CLCN1: variants seen among roughly 807,000 people sequenced by gnomAD.
CLCN1 encodes the protein chloride channel protein 1.
A neutral mutation model predicts 114.5 loss-of-function variants in CLCN1; 100 were observed. The observed-to-expected ratio is 0.87, with a 90% CI of 0.74 to 1.03. CLCN1 has a LOEUF of 1.03. Ranked by LOEUF, CLCN1 falls within the 50% of genes least tolerant of loss-of-function variation. The pLI is 0.00. For synonymous variants in CLCN1, 485 were observed against 487.1 expected (o/e 1.00, Z 0.06); for missense variants, 1,188 against 1,250.0 (o/e 0.95, Z 0.75).
Position 143,345,651 on chromosome 7 carries a change from C to T in CLCN1, c.2061C>T (p.Asp687=), listed in dbSNP as rs201675628. Reference sequence around the variant, plus strand: ...GGAAGTTGTCGGAGCTGCCTTACGACGGGAAGGCGCGGCTGGCTGGGGAGG... The same window carrying T: ...GGAAGTTGTCGGAGCTGCCTTACGATGGGAAGGCGCGGCTGGCTGGGGAGG... The part of the protein sequence containing the change: ...MARKLSELPY[D]GKARLAGEGL... Residue 687 remains aspartate (D), a synonymous_variant, in exon 17 of 23, where the codon GAC becomes GAT. Transcript: ENST00000343257. 9 of 1,565,430 alleles carry T rather than the reference C, an allele frequency of 5.7e-6. No homozygotes were observed. In the East Asian group the frequency reaches 1.2e-4, roughly 21 times the overall value.
At chr7:143,322,579 G>A (rs1222407770) in intron 5 of CLCN1, among the ~76,000 whole-genome samples, 16 of 152,244 alleles carry the variant, frequency 1.1e-4, no homozygotes, top group African/African-American at 3.9e-4. Context: ...CTGGAGTGCA[G>A]TGGTGCGATC....
chr7:143,321,168 G>A lies in CLCN1; in HGVS notation c.434-197G>A, dbSNP rs530685670. Among the ~76,000 whole-genome samples the A allele has an allele frequency of 7.9e-5, 12 of 152,292 alleles. No individual in the cohort carries two copies. Among genetic ancestry groups the A allele is most frequent in the Non-Finnish European group, 1.5e-4 (10 of 68,018 alleles). Reference sequence around the variant, plus strand: ...CAGACCCTGTACTCCAGTGGGATTCGTGACACAGCCACCAACTGGAACAGG... The same window carrying A: ...CAGACCCTGTACTCCAGTGGGATTCATGACACAGCCACCAACTGGAACAGG... On this transcript the variant is annotated intron_variant, in intron 3 of 22. Coordinates refer to ENST00000343257, the MANE Select transcript of CLCN1 (RefSeq NM_000083.3). The surrounding 1 kb of genome is among the most constrained non-coding windows in gnomAD (Gnocchi z 4.2).
At position 143,324,043 on chromosome 7, in the gene CLCN1, A is replaced by C. The variant is rs183542762; in HGVS notation, c.775-371A>C. 1.0e-3 allele frequency: 410 copies of C among 392,164 alleles called. 2 individuals are homozygous for C. Among genetic ancestry groups the C allele is most frequent in the African/African-American group, 8.2e-3 (392 of 48,094 alleles). The allele number at this position is 392,164 out of a possible 1,614,324, so 24.3% of individuals were successfully genotyped here. The stretch of plus-strand genomic sequence containing the variant: ...GTCCAGATACCTATATTTTTTCAGC[A>C]AAGGGCTGTGTATTATTTTGAGACT... On this transcript the variant is annotated intron_variant, in intron 6 of 22. Transcript: ENST00000343257. This position sits in a 1 kb window ranked among gnomAD's most constrained non-coding sequence, Gnocchi z 4.6.
chr7:143,316,923 G>A (rs796603515), intron 1 of CLCN1, among the ~76,000 whole-genome samples: 15 of 152,336 alleles, frequency 9.8e-5, no homozygotes, highest in African/African-American at 3.6e-4. Context: ...GAGCAGAGAT[G>A]TACAAGCTTT....
At position 143,350,521 on chromosome 7, in the gene CLCN1, A is replaced by T; in HGVS notation, c.2508+45A>T. ...CTCAGGGCTGTGGGGAAGGCAGGAGAGCTGTGGGGCAAGGAACATGCACTG... is the reference window on the plus strand; with the variant it reads ...CTCAGGGCTGTGGGGAAGGCAGGAGTGCTGTGGGGCAAGGAACATGCACTG... On this transcript the variant is annotated intron_variant, in intron 21 of 22. Transcript: ENST00000343257. This position sits in a 1 kb window ranked among gnomAD's most constrained non-coding sequence, Gnocchi z 5.1. The T allele has an allele frequency of 6.2e-7, 1 of 1,609,744 alleles. No individual in the cohort carries two copies. Among genetic ancestry groups the T allele is most frequent in the Non-Finnish European group, 8.5e-7 (1 of 1,176,128 alleles).
intron 8 of CLCN1, 98 bp downstream of exon 8, chr7:143,330,995 T>C: frequency 1.3e-6 from 2 of 1,562,646 alleles, no homozygotes; most frequent in Non-Finnish European, 1.8e-6. Flanking sequence ...AAAGGAATAA[T>C]GGGCGGCATC....
In CLCN1 at chr7:143,339,163, T is replaced by A; in HGVS notation, c.1402-90T>A. The A allele has an allele frequency of 1.1e-6, 1 of 892,338 alleles. No homozygotes were observed. Among genetic ancestry groups the A allele is most frequent in the East Asian group, 2.4e-5 (1 of 41,624 alleles). The allele number at this position is 892,338 out of a possible 1,614,324, so 55.3% of individuals were successfully genotyped here. A position where few individuals can be genotyped will look rare whatever the true frequency, so the allele number is the denominator to read the frequency against. On this transcript the variant is annotated intron_variant, in intron 12 of 22. Coordinates refer to ENST00000343257, the MANE Select transcript of CLCN1 (RefSeq NM_000083.3). The surrounding 1 kb of genome is among the most constrained non-coding windows in gnomAD (Gnocchi z 4.1). ...GAAGGATCAGCTATCCCAGGATTTC[T>A]GCAGAAAGGAGGATAGTGGGAAGGG... is the stretch of plus-strand genomic sequence containing the variant.
Position 143,323,342 on chromosome 7 carries a change from G to T in CLCN1, c.730G>T (p.Ala244Ser), listed in dbSNP as rs1337536141. ...PFVHIASICA[A>S]VLSKFMSVFC... ...CGTCCACATTGCCAGCATCTGTGCT[G>T]CTGTCCTCAGCAAATTCATGTCTGT... is the stretch of plus-strand genomic sequence containing the variant. Residue 244 changes from alanine to serine, a missense_variant, in exon 6 of 23, where the codon GCT becomes TCT. Physicochemically the swap from Ala to Ser is moderately conservative, Grantham distance 99. Coordinates refer to ENST00000343257, the MANE Select transcript of CLCN1 (RefSeq NM_000083.3). 6.2e-7 allele frequency: 1 copy of T among 1,613,836 alleles called. No individual in the cohort carries two copies. Among genetic ancestry groups the T allele is most frequent in the Non-Finnish European group, 8.5e-7 (1 of 1,179,828 alleles).
rs756010411 is a variant in CLCN1, at chr7:143,346,572, C to T, written c.2285-7C>T. The T allele has an allele frequency of 2.5e-6, 4 of 1,609,738 alleles. No individual in the cohort carries two copies. Among genetic ancestry groups the T allele is most frequent in the Non-Finnish European group, 1.7e-6 (2 of 1,176,244 alleles). The stretch of plus-strand genomic sequence containing the variant: ...GTCCATTTCCATCCACTCACCTGTC[C>T]TCTCAGGTCAAAGACCCTCCATCTT... On this transcript the variant is annotated splice_region_variant and splice_polypyrimidine_tract_variant and intron_variant, in intron 18 of 22. Coordinates refer to ENST00000343257, the MANE Select transcript of CLCN1 (RefSeq NM_000083.3).
chr7:143,351,796 C>G lies in CLCN1; in HGVS notation c.2798C>G (p.Ser933Cys). Reference sequence around the variant, plus strand: ...GCCTCCCCAGAGACCCCTGTGCCATCTCCTTCCCCAGAGCCCCCTCTCTCC... The same window carrying G: ...GCCTCCCCAGAGACCCCTGTGCCATGTCCTTCCCCAGAGCCCCCTCTCTCC... ...IAASPETPVPSPSPEPPLSLA... is the reference protein window; with the variant it reads ...IAASPETPVPCPSPEPPLSLA... The change falls in exon 23 of 23, where the codon TCT (serine) becomes TGT (cysteine). Residue 933 changes from serine (S) to cysteine (C), a missense_variant. Ser to Cys is a moderately radical substitution (Grantham distance 112). Transcript: ENST00000343257. 1.9e-6 allele frequency: 3 copies of G among 1,614,184 alleles called. No homozygotes were observed. The highest frequency in any genetic ancestry group is 2.5e-6 in the Non-Finnish European group (3 of 1,180,018).
rs1320351683 is a variant in CLCN1 at position 143,319,860 on chromosome 7, T to C, written c.286T>C (p.Tyr96His). The change falls in exon 2 of 23, where the codon TAT (tyrosine) becomes CAT (histidine). Residue 96 changes from tyrosine to histidine, a missense_variant. Tyr to His is a moderately conservative substitution (Grantham distance 83, BLOSUM62 2). Transcript: ENST00000343257. ...STVDSKDEDH[Y>H]SKCQDCIHRL... ...CGTGGACAGCAAGGATGAGGATCAC[T>C]ATTCTAAATGTCAAGGTGATGGGGA... 9 of 1,613,744 alleles carry C rather than the reference T, an allele frequency of 5.6e-6. No homozygotes were observed. The highest frequency in any genetic ancestry group is 1.3e-5 in the African/African-American group (1 of 74,908).
intron 7 of CLCN1, among the ~76,000 whole-genome samples, chr7:143,328,455 AC>A (rs2116848721): frequency 6.6e-6 from 1 of 152,302 alleles, no homozygotes; most frequent in East Asian, 1.9e-4. Flanking sequence ...TCTTAGCTGC[AC>A]ATTTTATGTC....
chr7:143,316,922 T>TTTG (rs1802302768), intron 1 of CLCN1, among the ~76,000 whole-genome samples: 1 of 152,218 alleles, frequency 6.6e-6, no homozygotes, highest in Admixed American at 6.5e-5. Flanking sequence ...TGAGCAGAGA[T>TTTG]GTACAAGCTT....
intron 20 of CLCN1, among the ~76,000 whole-genome samples, chr7:143,349,308 T>A (rs375920804): frequency 7.4e-4 from 113 of 152,276 alleles, no homozygotes; most frequent in African/African-American, 2.3e-3. Flanking sequence ...GGAGTCATGA[T>A]TGTAATCCAG....
At chr7:143,323,985 T>C (rs191527043) in intron 6 of CLCN1, 52 of 411,716 alleles carry the variant, frequency 1.3e-4, no homozygotes, top group Admixed American at 1.0e-3. Flanking sequence ...GGAGTGGGCA[T>C]CCAGGGAATG....
chr7:143,329,374 C>T (rs920727547), intron 7 of CLCN1, among the ~76,000 whole-genome samples: 3 of 152,140 alleles, frequency 2.0e-5, no homozygotes, highest in East Asian at 1.9e-4. Context: ...GGCTGAAGGA[C>T]GGATGGTTTC....
chr7:143,328,774 G>A (rs1802643110), intron 7 of CLCN1, among the ~76,000 whole-genome samples: 1 of 152,052 alleles, frequency 6.6e-6, no homozygotes, highest in Non-Finnish European at 1.5e-5. Context: ...AGGGGTGATT[G>A]GCCAAGCAAG....
chr7:143,333,120 G>A (rs371518236), intron 12 of CLCN1, among the ~76,000 whole-genome samples: 361 of 152,104 alleles, frequency 2.4e-3, no homozygotes, highest in African/African-American at 8.5e-3. Flanking sequence ...CCAACATAGC[G>A]AAACCCCATC....
At chr7:143,334,023 G>T (rs1419547928) in intron 12 of CLCN1, among the ~76,000 whole-genome samples, 1 of 152,176 alleles carries the variant, frequency 6.6e-6, no homozygotes, top group Admixed American at 6.5e-5. Flanking sequence ...AGACTAGCCT[G>T]ACCAACATGG....
Sources: gnomAD v4.1 joint callset for allele counts (sites outside exome capture counted in the v4.1 genomes callset) on GRCh38, gnomAD v4.1.1 for gene constraint, Gnocchi (gnomAD v3.1) non-coding constraint, MANE v1.5 for transcripts, NCBI Gene and HGNC (gene_info 2026-07-23, HGNC 2026-07-21) for gene names.